The following XKR4 variants were observed in gnomAD, a reference collection of about 807,000 sequenced individuals.
XKR4 encodes XK-related protein 4.
XKR4 carries 12 observed loss-of-function variants against 53.9 expected under a neutral mutation model. The ratio of observed to expected loss-of-function variants is 0.22; its 90% CI spans 0.14 to 0.36. The LOEUF (loss-of-function observed/expected upper bound fraction) is 0.36, where lower values mean the gene tolerates loss of function less well. Ranked by LOEUF, XKR4 falls within the 10% of genes least tolerant of loss-of-function variation. The probability of loss-of-function intolerance (pLI) is 1.00; values close to 1 mark genes in which losing one functional copy is unlikely to be tolerated. For missense variants in XKR4, 799 were observed against 859.5 expected, an observed-to-expected ratio of 0.93 and a Z score of 0.88; for synonymous variants, 354 against 362.4, an observed-to-expected ratio of 0.98 and a Z score of 0.26.
In XKR4 at chr8:55,541,648, A is replaced by T. The variant is rs910003924; in HGVS notation, c.*17421A>T. The T allele has an allele frequency of 1.3e-5, 2 of 152,198 alleles. No individual in the cohort carries two copies. The highest frequency in any genetic ancestry group is 2.4e-5 in the African/African-American group (1 of 41,454). 9.4% of individuals were successfully genotyped at this position (152,198 alleles called of 1,614,324 possible). A position where few individuals can be genotyped will look rare whatever the true frequency, so the allele number is the denominator to read the frequency against. ...TGAGCACAGTGCCTGGACCTGAATGATCATCTTGGCAGTTCTTGTGCTTTT... is the reference window on the plus strand; with the variant it reads ...TGAGCACAGTGCCTGGACCTGAATGTTCATCTTGGCAGTTCTTGTGCTTTT... On this transcript the variant is annotated 3_prime_UTR_variant, in exon 3 of 3. Coordinates refer to ENST00000327381, the MANE Select transcript of XKR4 (RefSeq NM_052898.2).
At chr8:55,198,545 CTG>C in intron 1 of XKR4, among the ~76,000 whole-genome samples, 1 of 151,720 alleles carries the variant, frequency 6.6e-6, no homozygotes, top group Admixed American at 6.6e-5. Context: ...ATTTGTATAA[CTG>C]TAACTCATAT....
intron 2 of XKR4, among the ~76,000 whole-genome samples, chr8:55,512,866 C>T (rs1806650592): frequency 6.6e-6 from 1 of 152,144 alleles, no homozygotes; most frequent in South Asian, 2.1e-4. Flanking sequence ...CTGCCTTCCT[C>T]TCTACCTGGT....
chr8:55,110,366 T>C lies in XKR4; in HGVS notation c.806+7072T>C, dbSNP rs1351278218. On this transcript the variant is annotated intron_variant, in intron 1 of 2. Coordinates refer to ENST00000327381, the MANE Select transcript of XKR4 (RefSeq NM_052898.2). ...GTCAGGAAGGAAGACCATGGCAAGT[T>C]CTCATGAAGTTAGTCTAGTGGTTGT... is the stretch of plus-strand genomic sequence containing the variant. 2.6e-5 allele frequency among the ~76,000 whole-genome samples: 4 copies of C among 152,180 alleles called. No individual in the cohort carries two copies. In the East Asian group the frequency reaches 7.7e-4, roughly 29 times the overall value.
chr8:55,497,009 T>C (rs1806361759), intron 2 of XKR4, among the ~76,000 whole-genome samples: 1 of 152,154 alleles, frequency 6.6e-6, no homozygotes, highest in South Asian at 2.1e-4. Context: ...AGCTCCCTAA[T>C]CCTACACCTC....
chr8:55,389,071 G>A (rs904337902), intron 2 of XKR4, among the ~76,000 whole-genome samples: 2 of 152,164 alleles, frequency 1.3e-5, no homozygotes, highest in Admixed American at 6.5e-5. Flanking sequence ...ACATGAACAC[G>A]AACATGCACA....
At chr8:55,513,820 G>A (rs952173530) in intron 2 of XKR4, among the ~76,000 whole-genome samples, 2 of 152,196 alleles carry the variant, frequency 1.3e-5, no homozygotes, top group African/African-American at 4.8e-5. Context: ...ATGTTTCCAT[G>A]CATATAGGAA....
At chr8:55,197,701 G>A (rs1053803837) in intron 1 of XKR4, among the ~76,000 whole-genome samples, 4 of 152,020 alleles carry the variant, frequency 2.6e-5, no homozygotes, top group Admixed American at 2.0e-4. Context: ...CCGCCACCAC[G>A]CCTGGCTAGT....
Position 55,539,622 on chromosome 8 carries a change from G to A in XKR4, c.*15395G>A, listed in dbSNP as rs1807074256. ...TGCTGCCAAACCAGACTGAAGTATT[G>A]TTTTTCTGGACTAATACTATGAGAA... On this transcript the variant is annotated 3_prime_UTR_variant, in exon 3 of 3. Coordinates refer to ENST00000327381, the MANE Select transcript of XKR4 (RefSeq NM_052898.2). 2.0e-5 allele frequency: 3 copies of A among 151,958 alleles called. No individual in the cohort carries two copies. Among genetic ancestry groups the A allele is most frequent in the South Asian group, 2.1e-4 (1 of 4,818 alleles). The allele number at this position is 151,958 out of a possible 1,614,324, so 9.4% of individuals were successfully genotyped here.
chr8:55,431,936 A>G lies in XKR4; in HGVS notation c.1006+74059A>G, dbSNP rs1805110754. Reference sequence around the variant, plus strand: ...TGATCATTAATCCAATCCTGCTCACATAATATTACGGGTTATAGCATTTAG... The same window carrying G: ...TGATCATTAATCCAATCCTGCTCACGTAATATTACGGGTTATAGCATTTAG... On this transcript the variant is annotated intron_variant, in intron 2 of 2. Coordinates refer to ENST00000327381, the MANE Select transcript of XKR4 (RefSeq NM_052898.2). Among the ~76,000 whole-genome samples, 7 of 152,328 alleles carry G rather than the reference A, an allele frequency of 4.6e-5. No individual in the cohort carries two copies. In the South Asian group the frequency reaches 1.5e-3, roughly 32 times the overall value.
chr8:55,309,461 A>G (rs1819358442), intron 1 of XKR4, among the ~76,000 whole-genome samples: 1 of 152,198 alleles, frequency 6.6e-6, no homozygotes, highest in Non-Finnish European at 1.5e-5. Flanking sequence ...AAAGGGCAAT[A>G]TGGTATTTGT....
intron 1 of XKR4, among the ~76,000 whole-genome samples, chr8:55,141,211 C>T (rs1816697295): frequency 6.6e-6 from 1 of 152,178 alleles, no homozygotes; most frequent in African/African-American, 2.4e-5. Context: ...TTTTAAACTC[C>T]GCACTGGGAC....
chr8:55,513,957 C>A (rs1475747392), intron 2 of XKR4, among the ~76,000 whole-genome samples: 1 of 152,202 alleles, frequency 6.6e-6, no homozygotes, highest in African/African-American at 2.4e-5. Context: ...CCACATCCAG[C>A]CCACCTCCTA....
At position 55,280,738 on chromosome 8, in the gene XKR4, T is replaced by C. The variant is rs574768628; in HGVS notation, c.807-76940T>C. Among the ~76,000 whole-genome samples, 71 of 152,286 alleles carry C rather than the reference T, an allele frequency of 4.7e-4. 1 individual carries two copies. The South Asian group carries it at 0.013, about 29-fold the overall frequency. The stretch of plus-strand genomic sequence containing the variant: ...ATTTTAGATGTGAAAACATAAATTA[T>C]TCAGAGACCATTTAATGATAATATG... On this transcript the variant is annotated intron_variant, in intron 1 of 2. Transcript: ENST00000327381.
chr8:55,293,519 C>T (rs1285668822), intron 1 of XKR4, among the ~76,000 whole-genome samples: 1 of 152,044 alleles, frequency 6.6e-6, no homozygotes, highest in Non-Finnish European at 1.5e-5. Flanking sequence ...TAAATGACAT[C>T]ACATACATTT....
chr8:55,274,436 C>CTT (rs1278974349), intron 1 of XKR4, among the ~76,000 whole-genome samples: 5 of 143,340 alleles, frequency 3.5e-5, no homozygotes, highest in Non-Finnish European at 3.1e-5. Context: ...CCAAATTTCC[C>CTT]TTTTTTTTTT....
At chr8:55,251,490 C>T (rs945208911) in intron 1 of XKR4, among the ~76,000 whole-genome samples, 4 of 152,082 alleles carry the variant, frequency 2.6e-5, no homozygotes, top group Admixed American at 2.0e-4. Flanking sequence ...AACATAAAGA[C>T]CATTGAAAGA....
chr8:55,435,779 G>C (rs1010668638), intron 2 of XKR4, among the ~76,000 whole-genome samples: 1 of 151,832 alleles, frequency 6.6e-6, no homozygotes, highest in African/African-American at 2.4e-5. Flanking sequence ...CGTTGCCCAG[G>C]CTGGTCTTGA....
chr8:55,467,553 C>T (rs1563358850), intron 2 of XKR4, among the ~76,000 whole-genome samples: 1 of 152,088 alleles, frequency 6.6e-6, no homozygotes, highest in Non-Finnish European at 1.5e-5. Flanking sequence ...AAAGAATTTG[C>T]AAATTTATTA....
intron 1 of XKR4, among the ~76,000 whole-genome samples, chr8:55,266,104 G>C (rs1343500304): frequency 6.6e-6 from 1 of 152,042 alleles, no homozygotes; most frequent in Non-Finnish European, 1.5e-5. Flanking sequence ...GTTGCAGTGA[G>C]CTATGATTGT....
Sources: gnomAD v4.1 joint callset for allele counts (sites outside exome capture counted in the v4.1 genomes callset) on GRCh38, gnomAD v4.1.1 for gene constraint, MANE v1.5 for transcripts, NCBI Gene and HGNC (gene_info 2026-07-23, HGNC 2026-07-21) for gene names.